KLK14: variants seen among roughly 807,000 people sequenced by gnomAD.
KLK14 encodes the protein kallikrein related peptidase 14.
Under a neutral mutation model 24.6 loss-of-function variants are expected in KLK14, and 21 were observed. The observed-to-expected ratio is 0.85, with a 90% CI of 0.61 to 1.23. KLK14 has a LOEUF of 1.23. Ranked by LOEUF, KLK14 falls within the 50% of genes most tolerant of loss-of-function variation. The pLI is 0.00. For missense variants in KLK14, 320 were observed against 338.9 expected (o/e 0.94, Z 0.44); for synonymous variants, 133 against 139.7 (o/e 0.95, Z 0.34).
At position 51,082,812 on chromosome 19, in the gene KLK14, G is replaced by A; in HGVS notation, c.-113C>T. 6.4e-7 allele frequency: 1 copy of A among 1,573,868 alleles called. No homozygotes were observed. Among genetic ancestry groups the A allele is most frequent in the Non-Finnish European group, 8.7e-7 (1 of 1,154,906 alleles). ...GCGGGGCCTGCAGGCTCTGCGGGCG[G>A]CAGGTGGGAGGATGTGGAGCAGGGC... is the stretch of plus-strand genomic sequence containing the variant. On this transcript the variant is annotated 5_prime_UTR_variant, in exon 1 of 6. Coordinates refer to ENST00000650543, the MANE Select transcript of KLK14 (RefSeq NM_001369775.2).
At chr19:51,077,760 T>C (rs1269045010), downstream of KLK14, 281 of 244,978 alleles carry the variant, frequency 1.1e-3, 2 homozygotes, top group South Asian at 2.5e-3. Context: ...CCTGGACTCC[T>C]GGGTCTGAGG....
intron 2 of KLK14, 139 bp from the exon 3 acceptor site, chr19:51,081,842 A>T: frequency 2.7e-6 from 2 of 740,846 alleles, no homozygotes; most frequent in Non-Finnish European, 4.2e-6. Flanking sequence ...TGTCCCACCC[A>T]GGGTGAGACA....
intron 2 of KLK14, 141 bp downstream of exon 2, chr19:51,082,434 T>A (rs534785358): frequency 2.8e-6 from 2 of 722,788 alleles, no homozygotes; most frequent in African/African-American, 3.6e-5. Context: ...TCCAGCACGT[T>A]CCCCCACCAT....
Position 51,077,990 on chromosome 19 carries a change from T to C in KLK14, c.*17A>G. ...GGGCCTGGGCAGCTGACGAGGTCCATCCCACCGTGAAGACCATCATTTGTC... is the reference window on the plus strand; with the variant it reads ...GGGCCTGGGCAGCTGACGAGGTCCACCCCACCGTGAAGACCATCATTTGTC... On this transcript the variant is annotated 3_prime_UTR_variant, in exon 6 of 6. Transcript: ENST00000650543. 1.9e-6 allele frequency: 3 copies of C among 1,612,852 alleles called. No individual in the cohort carries two copies. The highest frequency in any genetic ancestry group is 2.5e-6 in the Non-Finnish European group (3 of 1,179,290).
rs770601699 is a variant in KLK14, at chr19:51,078,832, C to T, written c.586G>A (p.Gly196Arg). The change falls in exon 5 of 6, where the codon GGG becomes AGG. Residue 196 changes from glycine to arginine, a missense_variant. Coordinates refer to ENST00000650543, the MANE Select transcript of KLK14 (RefSeq NM_001369775.2). The surrounding 1 kb of genome is among the most constrained non-coding windows in gnomAD (Gnocchi z 5.0). Reference protein sequence around the residue: ...GMVCAGVPQGGKDSCQGDSGG... With the variant: ...GMVCAGVPQGRKDSCQGDSGG... Reference sequence around the variant, plus strand: ...GGCCTTACCTGACAAGAGTCCTTCCCGCCCTGGGGAACTCCTGCACAGACC... The same window carrying T: ...GGCCTTACCTGACAAGAGTCCTTCCTGCCCTGGGGAACTCCTGCACAGACC... 1.9e-5 allele frequency: 31 copies of T among 1,613,698 alleles called. No homozygotes were observed. The highest frequency in any genetic ancestry group is 2.2e-5 in the South Asian group (2 of 91,066).
At position 51,081,720 on chromosome 19, in the gene KLK14, T is replaced by C. The variant is rs1783011239; in HGVS notation, c.41-17A>G. 1.3e-6 allele frequency: 2 copies of C among 1,502,536 alleles called. No homozygotes were observed. The highest frequency in any genetic ancestry group is 1.8e-6 in the Non-Finnish European group (2 of 1,117,692). The allele number at this position is 1,502,536 out of a possible 1,614,324, so 93.1% of individuals were successfully genotyped here. A position where few individuals can be genotyped will look rare whatever the true frequency, so the allele number is the denominator to read the frequency against. ...GTGTCATGGCTAGGAGTGGACAGGA[T>C]TGGGTGGGGAAAGTAGATGAGCAAA... On this transcript the variant is annotated splice_polypyrimidine_tract_variant and intron_variant, in intron 2 of 5. Coordinates refer to ENST00000650543, the MANE Select transcript of KLK14 (RefSeq NM_001369775.2).
chr19:51,081,835 C>T, intron 2 of KLK14, 132 bp from the exon 3 acceptor site: 5 of 806,246 alleles, frequency 6.2e-6, no homozygotes, highest in Non-Finnish European at 9.3e-6. Context: ...CTCTATCTGT[C>T]CCACCCAGGG....
chr19:51,081,837 C>T (rs2091841631), intron 2 of KLK14, 134 bp from the exon 3 acceptor site: 2 of 792,442 alleles, frequency 2.5e-6, no homozygotes, highest in Admixed American at 3.3e-5. Flanking sequence ...CTATCTGTCC[C>T]ACCCAGGGTG....
chr19:51,080,914 C>T (rs1294429846), intron 3 of KLK14, among the ~76,000 whole-genome samples: 1 of 152,092 alleles, frequency 6.6e-6, no homozygotes. Context: ...CTCAGGTGAT[C>T]TGCCTGCCTC....
Position 51,082,734 on chromosome 19 carries a change from A to C in KLK14, c.-35T>G, listed in dbSNP as rs1166978505. The C allele has an allele frequency of 6.2e-7, 1 of 1,613,656 alleles. No homozygotes were observed. Among genetic ancestry groups the C allele is most frequent in the Non-Finnish European group, 8.5e-7 (1 of 1,179,950 alleles). ...AAGGGGCACTTACCCAGAGCCCAAG[A>C]CCCTCAGGGACATGAAGACACAGCA... On this transcript the variant is annotated 5_prime_UTR_variant, in exon 1 of 6. Coordinates refer to ENST00000650543, the MANE Select transcript of KLK14 (RefSeq NM_001369775.2).
At position 51,079,484 on chromosome 19, in the gene KLK14, C is replaced by T. The variant is rs184705974; in HGVS notation, c.431G>A (p.Arg144Gln). Residue 144 changes from arginine (R) to glutamine (Q), a missense_variant, in exon 4 of 6, where the codon CGA becomes CAA. Transcript: ENST00000650543. ...QACASPGTSCRVSGWGTISSP... is the reference protein window; with the variant it reads ...QACASPGTSCQVSGWGTISSP... ...GGATATAGTTCCCCAGCCTGACACT[C>T]GGCAGGAGGTCCCGGGGCTGGCACA... 1.1e-4 allele frequency: 179 copies of T among 1,613,482 alleles called. No homozygotes were observed. The East Asian group carries it at 2.4e-3, about 21-fold the overall frequency.
intron 3 of KLK14, among the ~76,000 whole-genome samples, chr19:51,081,320 C>T (rs889034298): frequency 6.6e-6 from 1 of 152,198 alleles, no homozygotes; most frequent in Non-Finnish European, 1.5e-5. Flanking sequence ...TTCCAAGCTG[C>T]CCATCTGCTT....
upstream of KLK14, among the ~76,000 whole-genome samples, chr19:51,083,423 A>G (rs1349881950): frequency 6.0e-5 from 9 of 150,324 alleles, no homozygotes; most frequent in Admixed American, 5.9e-4. Context: ...ACAGAGAGAG[A>G]GCCAGACAGA....
At chr19:51,080,662 G>A (rs1266892736) in intron 3 of KLK14, among the ~76,000 whole-genome samples, 1 of 152,176 alleles carries the variant, frequency 6.6e-6, no homozygotes, top group African/African-American at 2.4e-5. Flanking sequence ...ATTAGGATCT[G>A]CATTCTGGGA....
chr19:51,081,919 C>T (rs1269126215), intron 2 of KLK14, among the ~76,000 whole-genome samples: 4 of 152,160 alleles, frequency 2.6e-5, no homozygotes, highest in African/African-American at 9.7e-5. Flanking sequence ...CAAGTCACCT[C>T]CGTAGCATCT....
rs536639574 is a variant in KLK14, at chr19:51,080,191, T to G, written c.213-489A>C. Among the ~76,000 whole-genome samples the G allele has an allele frequency of 2.1e-3, 322 of 152,202 alleles. 2 individuals carry two copies. The highest frequency in any genetic ancestry group is 0.014 in the Middle Eastern group (4 of 294). The stretch of plus-strand genomic sequence containing the variant: ...CTTGATTTATTTATTTATTTTTTTT[T>G]TGTGATGGAGTCTCGCTCTGTCACC... On this transcript the variant is annotated intron_variant, in intron 3 of 5. Transcript: ENST00000650543.
chr19:51,082,961 G>T, upstream of KLK14: 1 of 606,064 alleles, frequency 1.6e-6, no homozygotes, highest in Non-Finnish European at 2.9e-6. Flanking sequence ...CCGCCGCCCT[G>T]CTTCTGACAT....
chr19:51,079,146 C>T (rs112604389), intron 4 of KLK14, among the ~76,000 whole-genome samples, 195 bp from the exon 5 acceptor site: 3,547 of 147,878 alleles, frequency 0.024, 144 homozygotes, highest in African/African-American at 0.081. Flanking sequence ...CCCTCAGACC[C>T]GGGAGTCCAG....
chr19:51,077,981 C>T lies in KLK14; in HGVS notation c.*26G>A, dbSNP rs746009858. 1.9e-6 allele frequency: 3 copies of T among 1,611,062 alleles called. No individual in the cohort carries two copies. The highest frequency in any genetic ancestry group is 2.2e-5 in the East Asian group (1 of 44,850). ...GAGAGAGGAGGGCCTGGGCAGCTGA[C>T]GAGGTCCATCCCACCGTGAAGACCA... On this transcript the variant is annotated 3_prime_UTR_variant, in exon 6 of 6. Coordinates refer to ENST00000650543, the MANE Select transcript of KLK14 (RefSeq NM_001369775.2).
Sources: allele counts gnomAD v4.1 joint callset (sites outside exome capture counted in the v4.1 genomes callset), GRCh38; gene constraint gnomAD v4.1.1; non-coding constraint Gnocchi (gnomAD v3.1); transcripts MANE v1.5; gene names NCBI Gene and HGNC (gene_info 2026-07-23, HGNC 2026-07-21).